DPY19L2: variants seen among roughly 807,000 people sequenced by gnomAD.
DPY19L2 encodes probable C-mannosyltransferase DPY19L2.
Under a neutral mutation model 97.9 loss-of-function variants are expected in DPY19L2, and 34 were observed. That is an observed-to-expected ratio of 0.35 (90% CI 0.26 to 0.46). The LOEUF (loss-of-function observed/expected upper bound fraction) is 0.46, where lower values mean the gene tolerates loss of function less well. Among genes scored for constraint, DPY19L2 ranks in the 20% least tolerant of loss-of-function variants. The pLI, the probability that DPY19L2 is intolerant of heterozygous loss-of-function variation, is 1.00. For synonymous variants in DPY19L2, 230 were observed against 307.9 expected (o/e 0.75, Z 2.65); for missense variants, 623 against 911.4 (o/e 0.68, Z 4.07).
intron 8 of DPY19L2, among the ~76,000 whole-genome samples, chr12:63,623,358 T>C (rs1889011134): frequency 6.6e-6 from 1 of 152,194 alleles, no homozygotes; most frequent in South Asian, 2.1e-4. Context: ...TAACTCCGCA[T>C]TTCCCAAATT....
chr12:63,615,027 G>A (rs1223062232), intron 11 of DPY19L2, among the ~76,000 whole-genome samples: 2 of 152,124 alleles, frequency 1.3e-5, no homozygotes, highest in Non-Finnish European at 2.9e-5. Context: ...CATGACACAA[G>A]TATGCTATCA....
At chr12:63,624,656 T>C (rs1367213666) in intron 7 of DPY19L2, among the ~76,000 whole-genome samples, 2 of 152,184 alleles carry the variant, frequency 1.3e-5, no homozygotes, top group Non-Finnish European at 2.9e-5. Flanking sequence ...AGGTTAAGTA[T>C]ATATTTTAAA....
At chr12:63,638,124 T>C (rs907315179) in intron 6 of DPY19L2, among the ~76,000 whole-genome samples, 5 of 152,118 alleles carry the variant, frequency 3.3e-5, no homozygotes, top group Middle Eastern at 3.2e-3. Flanking sequence ...ATTATCTCAA[T>C]AGATGCAGAA....
At chr12:63,584,770 AAG>A (rs1565716257) in intron 16 of DPY19L2, among the ~76,000 whole-genome samples, 1 of 152,210 alleles carries the variant, frequency 6.6e-6, no homozygotes. Flanking sequence ...AGATATGCCA[AAG>A]AGAAGCTGTA....
At chr12:63,629,483 G>C (rs1890189856) in intron 6 of DPY19L2, among the ~76,000 whole-genome samples, 1 of 152,072 alleles carries the variant, frequency 6.6e-6, no homozygotes, top group Admixed American at 6.5e-5. Flanking sequence ...ATGATCAAAT[G>C]AATGAAATGA....
intron 6 of DPY19L2, among the ~76,000 whole-genome samples, chr12:63,635,700 A>T (rs1185484248): frequency 6.6e-6 from 1 of 152,210 alleles, no homozygotes; most frequent in Non-Finnish European, 1.5e-5. Flanking sequence ...ATGGACGATC[A>T]AATGAATGAA....
chr12:63,659,742 T>C (rs1895430257), intron 4 of DPY19L2, among the ~76,000 whole-genome samples: 2 of 152,050 alleles, frequency 1.3e-5, no homozygotes, highest in African/African-American at 4.8e-5. Context: ...CAATGGAGCA[T>C]TTTTTGGCAT....
chr12:63,592,861 C>A (rs1196940886), intron 16 of DPY19L2, among the ~76,000 whole-genome samples: 11 of 152,170 alleles, frequency 7.2e-5, no homozygotes, highest in Middle Eastern at 3.4e-3. Context: ...CAACCTACAA[C>A]ATGGGAGAAA....
At chr12:63,637,868 A>G (rs1892009331) in intron 6 of DPY19L2, among the ~76,000 whole-genome samples, 1 of 152,176 alleles carries the variant, frequency 6.6e-6, no homozygotes, top group Non-Finnish European at 1.5e-5. Context: ...GGAGGCCAGC[A>G]TCATCCTGAT....
chr12:63,610,882 A>C lies in DPY19L2; in HGVS notation c.1219-2207T>G, dbSNP rs1334633220. Among the ~76,000 whole-genome samples the C allele has an allele frequency of 8.2e-5, 11 of 134,150 alleles. 1 individual carries two copies. Among genetic ancestry groups the C allele is most frequent in the East Asian group, 5.4e-4 (2 of 3,672 alleles). 88.0% of individuals were successfully genotyped at this position (134,150 alleles called of 152,430 possible). ...AAAAAAAAAAAAAAAAAAACCACAC[A>C]CACACACAAATATTTCTTTTAAAAA... On this transcript the variant is annotated intron_variant, in intron 11 of 21. Transcript: ENST00000324472.
At chr12:63,593,122 T>C (rs915369719) in intron 16 of DPY19L2, among the ~76,000 whole-genome samples, 24 of 151,922 alleles carry the variant, frequency 1.6e-4, no homozygotes, top group African/African-American at 5.6e-4. Flanking sequence ...ATGGCGATCA[T>C]TAAAAAGTCA....
At chr12:63,594,464 A>AGTGTGTGTGTGTGTGTGTGTGTGT (rs539673870) in intron 15 of DPY19L2, among the ~76,000 whole-genome samples, 28 of 125,020 alleles carry the variant, frequency 2.2e-4, no homozygotes, top group East Asian at 8.9e-4. Context: ...AGAGAGAGAT[A>AGTGTGTGTGTGTGTGTGTGTGTGT]GTGTGTGTGT....
At chr12:63,619,014 TA>T (rs1888271988) in intron 9 of DPY19L2, among the ~76,000 whole-genome samples, 1 of 152,106 alleles carries the variant, frequency 6.6e-6, no homozygotes, top group Admixed American at 6.5e-5. Flanking sequence ...TCTAAATATA[TA>T]AAAATTATTC....
At chr12:63,633,420 T>A (rs1316573507) in intron 6 of DPY19L2, among the ~76,000 whole-genome samples, 1 of 152,056 alleles carries the variant, frequency 6.6e-6, no homozygotes, top group Non-Finnish European at 1.5e-5. Flanking sequence ...AACAGACACT[T>A]CTCAAAAGAA....
In DPY19L2 at chr12:63,615,964, C is replaced by T. The variant is rs1006662028; in HGVS notation, c.1218+1340G>A. On this transcript the variant is annotated intron_variant, in intron 11 of 21. Coordinates refer to ENST00000324472, the MANE Select transcript of DPY19L2 (RefSeq NM_173812.5). ...TAATAATACAACAGTTTAAAAAGTA[C>T]AAATGAAAAAACAATACAGTATACA... Among the ~76,000 whole-genome samples the T allele has an allele frequency of 4.6e-4, 70 of 151,838 alleles. 1 individual carries two copies. Among genetic ancestry groups the T allele is most frequent in the African/African-American group, 1.7e-3 (69 of 41,394 alleles).
At chr12:63,619,177 A>C (rs1459612936) in intron 9 of DPY19L2, among the ~76,000 whole-genome samples, 1 of 152,128 alleles carries the variant, frequency 6.6e-6, no homozygotes, top group Non-Finnish European at 1.5e-5. Context: ...ATGGTGGCTC[A>C]CGCCTATAAT....
At chr12:63,582,844 G>A (rs1165527896) in intron 17 of DPY19L2, among the ~76,000 whole-genome samples, 2 of 152,042 alleles carry the variant, frequency 1.3e-5, no homozygotes, top group African/African-American at 4.8e-5. Context: ...AGTGCAGTTG[G>A]CAAGAAAATG....
At position 63,668,435 on chromosome 12, in the gene DPY19L2, C is replaced by G; in HGVS notation, c.-42G>C. ...GGAGCTGGGTCAATTTCAGGCACAG[C>G]CCAGCCGAGTCAGGCGAGGTCCAGA... On this transcript the variant is annotated 5_prime_UTR_variant, in exon 1 of 22. Coordinates refer to ENST00000324472, the MANE Select transcript of DPY19L2 (RefSeq NM_173812.5). 2 of 1,525,318 alleles carry G rather than the reference C, an allele frequency of 1.3e-6. No individual in the cohort carries two copies. Among genetic ancestry groups the G allele is most frequent in the Non-Finnish European group, 8.8e-7 (1 of 1,137,408 alleles). 94.5% of individuals were successfully genotyped at this position (1,525,318 alleles called of 1,614,324 possible).
At chr12:63,628,876 G>C (rs1890072444) in intron 6 of DPY19L2, among the ~76,000 whole-genome samples, 1 of 151,242 alleles carries the variant, frequency 6.6e-6, no homozygotes, top group Admixed American at 6.6e-5. Context: ...AATTTCCAGA[G>C]GAATGATCAG....
Sources: gnomAD v4.1 joint callset for allele counts (sites outside exome capture counted in the v4.1 genomes callset) on GRCh38, gnomAD v4.1.1 for gene constraint, MANE v1.5 for transcripts, NCBI Gene and HGNC (gene_info 2026-07-23, HGNC 2026-07-21) for gene names.